Variants in TRDN observed in about 807,000 individuals in gnomAD.
TRDN encodes the protein triadin in skeletal muscle.
In TRDN, 161 loss-of-function variants were observed where a neutral mutation model predicts 149.7. The observed-to-expected ratio is 1.08, with a 90% CI of 0.95 to 1.23. The LOEUF (loss-of-function observed/expected upper bound fraction) is 1.23. Among genes scored for constraint, TRDN ranks in the 50% most tolerant of loss-of-function variants. TRDN has a pLI of 0.00. For missense variants in TRDN, 896 were observed against 823.5 expected, an observed-to-expected ratio of 1.09 and a Z score of -1.08; for synonymous variants, 294 against 250.5, an observed-to-expected ratio of 1.17 and a Z score of -1.64.
chr6:123,477,781 T>A (rs1397684782), intron 9 of TRDN, among the ~76,000 whole-genome samples: 1 of 151,838 alleles, frequency 6.6e-6, no homozygotes, highest in South Asian at 2.1e-4. Context: ...AAATTGGAAA[T>A]CATCATTCTC....
At chr6:123,537,293 T>G (rs1276166318) in intron 4 of TRDN, among the ~76,000 whole-genome samples, 1 of 152,184 alleles carries the variant, frequency 6.6e-6, no homozygotes, top group African/African-American at 2.4e-5. Flanking sequence ...TATTTTGTCT[T>G]ATAACACTTG....
intron 10 of TRDN, among the ~76,000 whole-genome samples, 161 bp from the exon 11 acceptor site, chr6:123,439,164 A>G (rs562598597): frequency 6.6e-6 from 1 of 152,274 alleles, no homozygotes; most frequent in Admixed American, 6.5e-5. Flanking sequence ...TCATTTATCA[A>G]ATAATAATAC....
intron 12 of TRDN, chr6:123,437,461 T>C: frequency 3.5e-6 from 1 of 286,460 alleles, no homozygotes; most frequent in Non-Finnish European, 6.5e-6. Context: ...TGGAGTGCAG[T>C]AGTGCAATTA....
intron 2 of TRDN, among the ~76,000 whole-genome samples, chr6:123,565,219 T>C (rs889697396): frequency 2.0e-5 from 3 of 152,168 alleles, no homozygotes; most frequent in Non-Finnish European, 4.4e-5. Flanking sequence ...GGGAGGTCTT[T>C]CTGGCTGAGT....
At chr6:123,613,114 C>T (rs1378630128) in intron 1 of TRDN, among the ~76,000 whole-genome samples, 3 of 152,172 alleles carry the variant, frequency 2.0e-5, no homozygotes, top group Non-Finnish European at 4.4e-5. Flanking sequence ...AGGACGACTG[C>T]ATCATCCTTC....
chr6:123,502,665 A>G (rs1778748802), intron 8 of TRDN: 17 of 984,408 alleles, frequency 1.7e-5, no homozygotes, highest in Non-Finnish European at 2.1e-5. Context: ...TTTCAGTTTC[A>G]TCCTCCAAAT....
chr6:123,388,664 T>C (rs1781995795), intron 13 of TRDN, 113 bp from the exon 14 acceptor site: 2 of 1,096,280 alleles, frequency 1.8e-6, no homozygotes, highest in South Asian at 1.6e-5. Flanking sequence ...ACCTATACAC[T>C]AATCAATTCA....
intron 38 of TRDN, among the ~76,000 whole-genome samples, chr6:123,240,747 C>T (rs1316205408): frequency 6.6e-6 from 1 of 151,820 alleles, no homozygotes; most frequent in Non-Finnish European, 1.5e-5. Context: ...TTTTCTTGTG[C>T]AGTGCTAGAT....
chr6:123,336,588 T>C (rs897963071), intron 22 of TRDN, among the ~76,000 whole-genome samples: 1 of 151,976 alleles, frequency 6.6e-6, no homozygotes, highest in African/African-American at 2.4e-5. Flanking sequence ...TTTATGATTA[T>C]TATAATTTTA....
At chr6:123,498,667 G>A (rs1778549788) in intron 8 of TRDN, 1 of 468,200 alleles carries the variant, frequency 2.1e-6, no homozygotes, top group Non-Finnish European at 4.4e-6. Context: ...AAAGACATAA[G>A]GTTAAGGTAG....
intron 20 of TRDN, among the ~76,000 whole-genome samples, chr6:123,353,655 G>C (rs1191980674): frequency 6.6e-6 from 1 of 151,744 alleles, no homozygotes; most frequent in East Asian, 1.9e-4. Flanking sequence ...AGGGAAGAAG[G>C]AAGGAGGGAG....
intron 24 of TRDN, among the ~76,000 whole-genome samples, chr6:123,311,014 T>C (rs569206593): frequency 1.3e-5 from 2 of 152,062 alleles, no homozygotes; most frequent in Admixed American, 1.3e-4. Flanking sequence ...TCAAATCTTT[T>C]GATTATACAA....
At chr6:123,557,700 G>A (rs1183578761) in intron 2 of TRDN, among the ~76,000 whole-genome samples, 1 of 151,950 alleles carries the variant, frequency 6.6e-6, no homozygotes, top group Non-Finnish European at 1.5e-5. Context: ...GCCTGTCTTG[G>A]TCCTTCACCC....
intron 2 of TRDN, among the ~76,000 whole-genome samples, chr6:123,552,457 T>C (rs1781447837): frequency 6.6e-6 from 1 of 152,114 alleles, no homozygotes; most frequent in South Asian, 2.1e-4. Flanking sequence ...GTGTAGGTAA[T>C]ATTTGACCCT....
At chr6:123,408,555 G>A (rs1246293899) in intron 12 of TRDN, among the ~76,000 whole-genome samples, 11 of 151,790 alleles carry the variant, frequency 7.2e-5, no homozygotes, top group Admixed American at 6.6e-4. Flanking sequence ...GCGGGCACCT[G>A]TAATCCCAGC....
chr6:123,316,589 T>A, intron 23 of TRDN, 94 bp from the exon 24 acceptor site: 2 of 1,005,364 alleles, frequency 2.0e-6, no homozygotes, highest in Non-Finnish European at 3.0e-6. Context: ...ATAGGTAGGC[T>A]TCACTGATTT....
Position 123,279,574 on chromosome 6 carries a change from TTCAAC to T in TRDN, c.1511-497_1511-493del, listed in dbSNP as rs374872131. ...GCCATCTAGTACCTGTCTGTCACTG[TTCAAC>T]TCAACTTTTTAAGGAATATCATCTT... On this transcript the variant is annotated intron_variant, in intron 24 of 40. Coordinates refer to ENST00000334268, the MANE Select transcript of TRDN (RefSeq NM_006073.4). Among the ~76,000 whole-genome samples, 62 of 152,040 alleles carry T rather than the reference TTCAAC, an allele frequency of 4.1e-4. No homozygotes were observed. In the East Asian group the frequency reaches 6.4e-3, roughly 16 times the overall value.
intron 9 of TRDN, among the ~76,000 whole-genome samples, chr6:123,482,661 A>G (rs1364968972): frequency 1.3e-5 from 2 of 152,198 alleles, no homozygotes; most frequent in African/African-American, 2.4e-5. Context: ...AGAGAATATT[A>G]AATCATCAAT....
At chr6:123,586,267 A>C (rs1783475733) in intron 1 of TRDN, among the ~76,000 whole-genome samples, 1 of 151,976 alleles carries the variant, frequency 6.6e-6, no homozygotes, top group Admixed American at 6.6e-5. Context: ...GGGTGTGAGG[A>C]GGGGAGATGA....
Sources: gnomAD v4.1 joint callset for allele counts (sites outside exome capture counted in the v4.1 genomes callset) on GRCh38, gnomAD v4.1.1 for gene constraint, MANE v1.5 for transcripts, NCBI Gene and HGNC (gene_info 2026-07-23, HGNC 2026-07-21) for gene names.